The following BAG3 variants were observed in gnomAD, a reference collection of about 807,000 sequenced individuals.
The protein encoded by BAG3 is BAG cochaperone 3.
In BAG3, 14 loss-of-function variants were observed where a neutral mutation model predicts 40.5. The observed-to-expected ratio is 0.35, with a 90% CI of 0.23 to 0.54. BAG3 has a LOEUF of 0.54. Ranked by LOEUF, BAG3 falls within the 20% of genes least tolerant of loss-of-function variation. The pLI, the probability that BAG3 is intolerant of heterozygous loss-of-function variation, is 0.91. For missense variants in BAG3, 788 were observed against 758.6 expected, an observed-to-expected ratio of 1.04 and a Z score of -0.46; for synonymous variants, 302 against 307.8, an observed-to-expected ratio of 0.98 and a Z score of 0.20.
intron 1 of BAG3, 45 bp from the exon 2 acceptor site, chr10:119,669,806 T>G (rs1163925391): frequency 1.3e-6 from 2 of 1,581,794 alleles, no homozygotes; most frequent in East Asian, 4.5e-5. Context: ...GAGGGTTCAC[T>G]TCCCAGTTTC....
Position 119,651,569 on chromosome 10 carries a change from G to T in BAG3, c.-107G>T. The T allele has an allele frequency of 1.8e-6, 2 of 1,116,856 alleles. No individual in the cohort carries two copies. Among genetic ancestry groups the T allele is most frequent in the Non-Finnish European group, 2.3e-6 (2 of 853,750 alleles). 69.2% of individuals were successfully genotyped at this position (1,116,856 alleles called of 1,614,324 possible). ...AAAGGTGCCCGGCGCCGGCTTCCCG[G>T]ACACGTCGGCGGCGGAGAGGGGCCC... On this transcript the variant is annotated 5_prime_UTR_variant, in exon 1 of 4. Coordinates refer to ENST00000369085, the MANE Select transcript of BAG3 (RefSeq NM_004281.4).
chr10:119,657,628 A>G (rs1444254278), intron 1 of BAG3: 1 of 470,750 alleles, frequency 2.1e-6, no homozygotes, highest in African/African-American at 2.0e-5. Flanking sequence ...CTGGGCTCCT[A>G]AAGGTCCCCA....
intron 1 of BAG3, among the ~76,000 whole-genome samples, chr10:119,665,683 C>T (rs1847054820): frequency 6.6e-6 from 1 of 152,244 alleles, no homozygotes; most frequent in East Asian, 1.9e-4. Context: ...CTGGCATAGA[C>T]CTCATTACGG....
intron 1 of BAG3, among the ~76,000 whole-genome samples, chr10:119,654,555 A>G (rs930844483): frequency 1.3e-5 from 2 of 152,244 alleles, no homozygotes; most frequent in Admixed American, 1.3e-4. Context: ...GAGCGAAAGC[A>G]AGTATCTTCT....
chr10:119,675,919 T>TCCTCTCTCCCTC (rs1847227813), intron 3 of BAG3, among the ~76,000 whole-genome samples: 1 of 10,132 alleles, frequency 9.9e-5, no homozygotes, highest in Non-Finnish European at 1.7e-4. Flanking sequence ...CTTCCTTCCT[T>TCCTCTCTCCCTC]CCTCCCTCCC....
rs1455628265 is a variant in BAG3, at chr10:119,677,691, A to G, written c.*409A>G. ...CCATTTTAATGAGATGATTTTCTTC[A>G]TCTCATAATTAAAATACCTGACTTT... is the stretch of plus-strand genomic sequence containing the variant. On this transcript the variant is annotated 3_prime_UTR_variant, in exon 4 of 4. Coordinates refer to ENST00000369085, the MANE Select transcript of BAG3 (RefSeq NM_004281.4). The G allele has an allele frequency of 4.2e-6, 1 of 239,020 alleles. No individual in the cohort carries two copies. The highest frequency in any genetic ancestry group is 8.3e-6 in the Non-Finnish European group (1 of 120,482). The allele number at this position is 239,020 out of a possible 1,614,324, so 14.8% of individuals were successfully genotyped here.
intron 1 of BAG3, among the ~76,000 whole-genome samples, chr10:119,664,247 A>C (rs196316): frequency 0.7 from 106,375 of 151,996 alleles, 37,537 homozygotes; most frequent in Middle Eastern, 0.74. Flanking sequence ...TAATAGGGCA[A>C]ATTTTGACTC....
chr10:119,657,663 T>G, intron 1 of BAG3: 1 of 469,146 alleles, frequency 2.1e-6, no homozygotes, highest in Non-Finnish European at 4.4e-6. Flanking sequence ...TTTGTCACTT[T>G]GTGAATGGCC....
intron 1 of BAG3, among the ~76,000 whole-genome samples, chr10:119,652,620 A>G (rs55725412): frequency 0.25 from 37,980 of 152,154 alleles, 5,296 homozygotes; most frequent in Middle Eastern, 0.32. Flanking sequence ...CCATTGCCTT[A>G]CCACATTGCC....
intron 1 of BAG3, among the ~76,000 whole-genome samples, chr10:119,662,217 TTTTTTTTTG>T (rs1847001841): frequency 1.0e-5 from 1 of 98,792 alleles, no homozygotes; most frequent in Non-Finnish European, 2.3e-5. Flanking sequence ...CTGGCTATGT[TTTTTTTTTG>T]TTTTTTTTTT....
At chr10:119,666,131 C>T (rs991312114) in intron 1 of BAG3, among the ~76,000 whole-genome samples, 1 of 152,174 alleles carries the variant, frequency 6.6e-6, no homozygotes, top group African/African-American at 2.4e-5. Context: ...CTGCTTTGTG[C>T]TCATCTCCTC....
intron 1 of BAG3, among the ~76,000 whole-genome samples, chr10:119,655,622 G>A (rs1285286426): frequency 1.3e-5 from 2 of 152,158 alleles, no homozygotes; most frequent in East Asian, 1.9e-4. Flanking sequence ...ATGAGTGGCC[G>A]TTCTCTCCTT....
At chr10:119,659,202 C>T (rs1846958418) in intron 1 of BAG3, among the ~76,000 whole-genome samples, 1 of 152,222 alleles carries the variant, frequency 6.6e-6, no homozygotes, top group Non-Finnish European at 1.5e-5. Context: ...AGACCCTGCG[C>T]CATGCGTCCA....
intron 1 of BAG3, among the ~76,000 whole-genome samples, chr10:119,652,904 T>C (rs1366346773): frequency 1.3e-5 from 2 of 152,230 alleles, no homozygotes; most frequent in Non-Finnish European, 2.9e-5. Context: ...TTTCAATTTT[T>C]TATAAATTTG....
intron 1 of BAG3, among the ~76,000 whole-genome samples, chr10:119,668,539 G>C (rs959367298): frequency 7.2e-5 from 11 of 152,332 alleles, no homozygotes; most frequent in African/African-American, 2.6e-4. Context: ...AAGGACCCTC[G>C]GTGCTCGGGG....
At chr10:119,670,784 G>A (rs1847139265) in intron 2 of BAG3, among the ~76,000 whole-genome samples, 1 of 152,188 alleles carries the variant, frequency 6.6e-6, no homozygotes, top group Non-Finnish European at 1.5e-5. Flanking sequence ...AATGGATTCT[G>A]TGCATTAATA....
intron 1 of BAG3, among the ~76,000 whole-genome samples, chr10:119,658,441 G>A (rs950954679): frequency 1.3e-5 from 2 of 152,190 alleles, no homozygotes; most frequent in South Asian, 2.1e-4. Flanking sequence ...TCTCACTCTC[G>A]TGTACCCTGC....
intron 2 of BAG3, 108 bp downstream of exon 2, chr10:119,670,285 G>T (rs1422999710): frequency 6.4e-6 from 8 of 1,247,402 alleles, no homozygotes; most frequent in Non-Finnish European, 8.7e-6. Flanking sequence ...CTGTTCACAT[G>T]CAGGGCATCT....
At position 119,651,528 on chromosome 10, in the gene BAG3, C is replaced by G. The variant is rs1589619704; in HGVS notation, c.-148C>G. 6 of 659,962 alleles carry G rather than the reference C, an allele frequency of 9.1e-6. No homozygotes were observed. Among genetic ancestry groups the G allele is most frequent in the Non-Finnish European group, 1.4e-5 (6 of 443,954 alleles). 40.9% of individuals were successfully genotyped at this position (659,962 alleles called of 1,614,324 possible). On this transcript the variant is annotated 5_prime_UTR_variant, in exon 1 of 4. Coordinates refer to ENST00000369085, the MANE Select transcript of BAG3 (RefSeq NM_004281.4). ...TCCACCCCTCTCTGGCCACGTCACC[C>G]CCGCCTTTAATTCATAAAGGTGCCC...
Sources: allele counts gnomAD v4.1 joint callset (sites outside exome capture counted in the v4.1 genomes callset), GRCh38; gene constraint gnomAD v4.1.1; transcripts MANE v1.5; gene names NCBI Gene and HGNC (gene_info 2026-07-23, HGNC 2026-07-21).